Variants in MAPK8 observed in about 807,000 individuals in gnomAD.
MAPK8 encodes mitogen-activated protein kinase 8, also known as JUN N-terminal kinase.
In MAPK8, 13 loss-of-function variants were observed where a neutral mutation model predicts 52.9. The ratio of observed to expected loss-of-function variants is 0.25; its 90% CI spans 0.16 to 0.39. MAPK8 has a LOEUF of 0.39. Ranked by LOEUF, MAPK8 falls within the 10% of genes least tolerant of loss-of-function variation. MAPK8 has a pLI of 1.00. For synonymous variants in MAPK8, 191 were observed against 169.8 expected (o/e 1.12, Z -0.97); for missense variants, 300 against 519.2 (o/e 0.58, Z 4.10).
intron 6 of MAPK8, among the ~76,000 whole-genome samples, chr10:48,423,697 T>C (rs903920634): frequency 2.6e-5 from 4 of 152,210 alleles, no homozygotes; most frequent in African/African-American, 7.2e-5. Context: ...GTTGAACTTC[T>C]AAATAGTATA....
chr10:48,319,588 C>A (rs1404190151), intron 1 of MAPK8, among the ~76,000 whole-genome samples: 1 of 152,038 alleles, frequency 6.6e-6, no homozygotes, highest in African/African-American at 2.4e-5. Context: ...CTCCCGGGTT[C>A]AAGCAATTCT....
Position 48,324,503 on chromosome 10 carries a change from G to GTTTTTTTTTTTTTTTTT in MAPK8, c.-50+17683_-50+17699dup, listed in dbSNP as rs370766776. ...TATACAACAGTTGTCCTGTTTTCTAGTTTTTTTTTTTTTTTTTACACTCAT... is the reference window on the plus strand; with the variant it reads ...TATACAACAGTTGTCCTGTTTTCTAGTTTTTTTTTTTTTTTTTTTTTTTTTTTTTTTTTTACACTCAT... On this transcript the variant is annotated intron_variant, in intron 1 of 11. Transcript: ENST00000374189. 6.9e-3 allele frequency among the ~76,000 whole-genome samples: 811 copies of GTTTTTTTTTTTTTTTTT among 117,798 alleles called. 52 individuals carry two copies. Among genetic ancestry groups the GTTTTTTTTTTTTTTTTT allele is most frequent in the Middle Eastern group, 0.013 (3 of 236 alleles). The allele number at this position is 117,798 out of a possible 152,430, so 77.3% of individuals were successfully genotyped here.
chr10:48,362,737 G>GT lies in MAPK8; in HGVS notation c.-49-38855dup, dbSNP rs10715224. On this transcript the variant is annotated intron_variant, in intron 1 of 11. Coordinates refer to ENST00000374189, the MANE Select transcript of MAPK8 (RefSeq NM_001323329.2). Reference sequence around the variant, plus strand: ...ATTTGTGATTTCCAAAATTTTATTAGTTTTTTTTTTTTTTTTTTTTGAGAT... The same window carrying GT: ...ATTTGTGATTTCCAAAATTTTATTAGTTTTTTTTTTTTTTTTTTTTTGAGAT... Among the ~76,000 whole-genome samples, 678 of 87,674 alleles carry GT rather than the reference G, an allele frequency of 7.7e-3. 9 individuals carry two copies. The highest frequency in any genetic ancestry group is 0.015 in the African/African-American group (329 of 21,916). 57.5% of individuals were successfully genotyped at this position (87,674 alleles called of 152,430 possible). A position where few individuals can be genotyped will look rare whatever the true frequency, so the allele number is the denominator to read the frequency against.
At chr10:48,352,168 G>A (rs966266014) in intron 1 of MAPK8, among the ~76,000 whole-genome samples, 4 of 152,042 alleles carry the variant, frequency 2.6e-5, no homozygotes, top group Middle Eastern at 3.2e-3. Context: ...AAATAGGCCC[G>A]AATGATTTCA....
intron 1 of MAPK8, among the ~76,000 whole-genome samples, chr10:48,345,839 A>G (rs1300840868): frequency 1.3e-5 from 2 of 152,226 alleles, no homozygotes; most frequent in African/African-American, 4.8e-5. Context: ...CCAGGAAAAA[A>G]ATGATGCTCT....
Position 48,401,242 on chromosome 10 carries a change from T to C in MAPK8, c.-49-370T>C, listed in dbSNP as rs111279637. ...CTTACAAAAATTAAGGTTTTTATTC[T>C]CTATAATAAGCACATGAGAAAGACT... is the stretch of plus-strand genomic sequence containing the variant. On this transcript the variant is annotated intron_variant, in intron 1 of 11. Transcript: ENST00000374189. Among the ~76,000 whole-genome samples the C allele has an allele frequency of 6.6e-4, 100 of 152,368 alleles. 3 individuals carry two copies. In the South Asian group the frequency reaches 0.02, roughly 30 times the overall value.
intron 1 of MAPK8, among the ~76,000 whole-genome samples, chr10:48,361,385 A>G (rs905612506): frequency 6.6e-6 from 1 of 151,898 alleles, no homozygotes; most frequent in Non-Finnish European, 1.5e-5. Context: ...CATTTTCCTT[A>G]TGTTCTCAGC....
rs1238321018 is a variant in MAPK8, at chr10:48,439,178, T to C, written c.*4149T>C. ...TCCCTGTGTTCCGTTCCCTCTCCTT[T>C]CCTCTAGACAAAACAAAATGGGGCA... On this transcript the variant is annotated 3_prime_UTR_variant, in exon 12 of 12. Transcript: ENST00000374189. 4 of 151,582 alleles carry C rather than the reference T, an allele frequency of 2.6e-5. No homozygotes were observed. Among genetic ancestry groups the C allele is most frequent in the Admixed American group, 6.6e-5 (1 of 15,202 alleles). The allele number at this position is 151,582 out of a possible 1,614,324, so 9.4% of individuals were successfully genotyped here. A position where few individuals can be genotyped will look rare whatever the true frequency, so the allele number is the denominator to read the frequency against.
At chr10:48,330,629 T>G (rs1844040298) in intron 1 of MAPK8, among the ~76,000 whole-genome samples, 2 of 152,168 alleles carry the variant, frequency 1.3e-5, no homozygotes, top group Non-Finnish European at 2.9e-5. Context: ...TCTTGCAAGA[T>G]CAGGTGTCTG....
chr10:48,321,747 C>T (rs1843016561), intron 1 of MAPK8, among the ~76,000 whole-genome samples: 1 of 152,160 alleles, frequency 6.6e-6, no homozygotes, highest in Non-Finnish European at 1.5e-5. Flanking sequence ...GTTGTCCTAG[C>T]TCCATTTGTT....
chr10:48,400,023 CTT>C (rs1369598602), intron 1 of MAPK8, among the ~76,000 whole-genome samples: 1 of 152,246 alleles, frequency 6.6e-6, no homozygotes, highest in Non-Finnish European at 1.5e-5. Context: ...CTCTTCCACT[CTT>C]CCCACTTCTC....
intron 10 of MAPK8, among the ~76,000 whole-genome samples, chr10:48,427,749 C>A (rs577218364): frequency 9.8e-5 from 15 of 152,318 alleles, no homozygotes; most frequent in African/African-American, 3.6e-4. Flanking sequence ...GCCTCGGCCT[C>A]CCAAAGTGCT....
At position 48,385,713 on chromosome 10, in the gene MAPK8, A is replaced by G. The variant is rs60303520; in HGVS notation, c.-49-15899A>G. Among the ~76,000 whole-genome samples the G allele has an allele frequency of 4.1e-3, 629 of 152,276 alleles. 6 individuals are homozygous for G. Among genetic ancestry groups the G allele is most frequent in the East Asian group, 0.017 (89 of 5,182 alleles). Reference sequence around the variant, plus strand: ...TCAAGCTATTTCTAGAGATTGATACAGGTTCATTAGCTGGACAATTAAACT... The same window carrying G: ...TCAAGCTATTTCTAGAGATTGATACGGGTTCATTAGCTGGACAATTAAACT... On this transcript the variant is annotated intron_variant, in intron 1 of 11. Coordinates refer to ENST00000374189, the MANE Select transcript of MAPK8 (RefSeq NM_001323329.2).
At chr10:48,385,470 C>T (rs1297157412) in intron 1 of MAPK8, among the ~76,000 whole-genome samples, 3 of 152,148 alleles carry the variant, frequency 2.0e-5, no homozygotes, top group African/African-American at 4.8e-5. Context: ...TATTGAACCA[C>T]TCCAGAAAAT....
intron 1 of MAPK8, among the ~76,000 whole-genome samples, chr10:48,372,336 C>T (rs2040376969): frequency 6.6e-6 from 1 of 152,058 alleles, no homozygotes; most frequent in African/African-American, 2.4e-5. Context: ...ATCACAACTC[C>T]TCACCAGCAA....
chr10:48,347,438 T>C (rs965042090), intron 1 of MAPK8, among the ~76,000 whole-genome samples: 2 of 152,218 alleles, frequency 1.3e-5, no homozygotes, highest in Non-Finnish European at 2.9e-5. Context: ...GGGATACATG[T>C]GCAGAATGTG....
At chr10:48,404,612 G>A (rs1342363716) in intron 2 of MAPK8, among the ~76,000 whole-genome samples, 1 of 152,190 alleles carries the variant, frequency 6.6e-6, no homozygotes, top group Non-Finnish European at 1.5e-5. Context: ...CAACGAACAT[G>A]CAGGGTCTCT....
chr10:48,365,501 GTTC>G (rs1847951007), intron 1 of MAPK8, among the ~76,000 whole-genome samples: 1 of 151,934 alleles, frequency 6.6e-6, no homozygotes. Flanking sequence ...TGCTATTTTT[GTTC>G]TTTTTTTATG....
chr10:48,379,950 A>AC (rs1347857937), intron 1 of MAPK8, among the ~76,000 whole-genome samples: 9 of 151,494 alleles, frequency 5.9e-5, no homozygotes, highest in Non-Finnish European at 1.0e-4. Flanking sequence ...AAAAAAAAAA[A>AC]AAAAAAAAAC....
Sources: gnomAD v4.1 joint callset for allele counts (sites outside exome capture counted in the v4.1 genomes callset) on GRCh38, gnomAD v4.1.1 for gene constraint, MANE v1.5 for transcripts, NCBI Gene and HGNC (gene_info 2026-07-23, HGNC 2026-07-21) for gene names.